Variants in IDS observed in about 807,000 individuals in gnomAD.
The protein encoded by IDS is alpha-L-iduronate sulfate sulfatase.
In IDS, 1 loss-of-function variant was observed where a neutral mutation model predicts 33.5. That is an observed-to-expected ratio of 0.03 (90% confidence interval 0.01 to 0.14). The LOEUF is 0.14. Among genes scored for constraint, IDS ranks in the 10% least tolerant of loss-of-function variants. IDS has a pLI of 1.00. For synonymous variants in IDS, 191 were observed against 184.4 expected (o/e 1.04, Z -0.29); for missense variants, 328 against 448.0 (o/e 0.73, Z 2.42).
Position 149,487,202 on chromosome X carries a change from G to T in IDS, c.1007-104C>A, listed in dbSNP as rs1557338179. On this transcript the variant is annotated intron_variant, in intron 7 of 8. Transcript: ENST00000340855. The stretch of plus-strand genomic sequence containing the variant: ...TTTCCTGTTGTAAAAACCAGAGGAA[G>T]TAGAAACTCATCACCTAGAAGAAAA... 3 of 1,203,589 alleles carry T rather than the reference G, an allele frequency of 2.5e-6. No homozygotes were observed. The African/African-American group carries it at 5.3e-5, about 21-fold the overall frequency.
intron 1 of IDS, among the ~76,000 whole-genome samples, chrX:149,504,621 TAAG>T (rs1283387962): frequency 3.8e-5 from 4 of 106,175 alleles, no homozygotes; most frequent in Non-Finnish European, 5.8e-5. Flanking sequence ...TGGAGGAAGA[TAAG>T]GAGGAAAAGA....
chrX:149,497,263 T>G (rs782460398), intron 5 of IDS, among the ~76,000 whole-genome samples: 4 of 112,204 alleles, frequency 3.6e-5, no homozygotes, highest in Non-Finnish European at 7.5e-5. Context: ...CTGGGAATAG[T>G]GAGAACACTT....
chrX:149,499,442 C>G (rs1204305707), intron 4 of IDS: 1 of 110,530 alleles, frequency 9.0e-6, no homozygotes, highest in Non-Finnish European at 1.9e-5. Flanking sequence ...GTGAAAGAAG[C>G]CAGAAACAAA....
chrX:149,483,728 C>A (rs1023037531), intron 8 of IDS, among the ~76,000 whole-genome samples: 5 of 112,054 alleles, frequency 4.5e-5, no homozygotes, highest in African/African-American at 1.6e-4. Context: ...TACTGTTGTG[C>A]CATCATTACC....
intron 6 of IDS, among the ~76,000 whole-genome samples, chrX:149,495,840 G>C (rs957964471): frequency 1.8e-4 from 20 of 112,458 alleles, no homozygotes; most frequent in Non-Finnish European, 3.2e-4. Context: ...ACAGCTGGGT[G>C]GCACTGGCCA....
chrX:149,489,747 G>C (rs891038789), intron 7 of IDS, among the ~76,000 whole-genome samples: 1 of 111,477 alleles, frequency 9.0e-6, no homozygotes, highest in Admixed American at 9.5e-5. Flanking sequence ...AGTGGGAAAC[G>C]GGGGGAGCTG....
rs1281580481 is a variant in IDS, at chrX:149,477,142, AAC to A, written c.*5602_*5603del. The A allele has an allele frequency of 8.9e-6, 1 of 112,540 alleles. No individual in the cohort carries two copies. Among genetic ancestry groups the A allele is most frequent in the Non-Finnish European group, 1.9e-5 (1 of 53,318 alleles). The allele number at this position is 112,540 out of a possible 1,213,427, so 9.3% of individuals were successfully genotyped here. ...ATCACCTGCAAAAGGTTCTTTCAGA[AAC>A]ACACCCAAAACTACAATAAATTAGG... On this transcript the variant is annotated 3_prime_UTR_variant, in exon 9 of 9. Coordinates refer to ENST00000340855, the MANE Select transcript of IDS (RefSeq NM_000202.8).
intron 7 of IDS, among the ~76,000 whole-genome samples, chrX:149,488,747 G>A (rs782532817): frequency 5.4e-5 from 6 of 111,271 alleles, no homozygotes; most frequent in Non-Finnish European, 9.4e-5. Context: ...GAGCAAATAC[G>A]GGGAAGTCTG....
At chrX:149,500,072 A>G (rs1557339786) in intron 4 of IDS, among the ~76,000 whole-genome samples, 1 of 111,620 alleles carries the variant, frequency 9.0e-6, no homozygotes. Context: ...CATCATCTAT[A>G]TATACACGAT....
chrX:149,487,796 AC>A (rs2124010047), intron 7 of IDS, among the ~76,000 whole-genome samples: 1 of 105,306 alleles, frequency 9.5e-6, no homozygotes, highest in African/African-American at 3.5e-5. Flanking sequence ...CCTTTTTGAT[AC>A]AAAAAATGTG....
At chrX:149,500,081 A>G (rs2089467753) in intron 4 of IDS, among the ~76,000 whole-genome samples, 1 of 111,416 alleles carries the variant, frequency 9.0e-6, no homozygotes, top group African/African-American at 3.3e-5. Context: ...TATATACACG[A>G]TTTGCAGCAC....
At chrX:149,488,652 G>A (rs1343128827) in intron 7 of IDS, among the ~76,000 whole-genome samples, 1 of 109,329 alleles carries the variant, frequency 9.1e-6, no homozygotes, top group Non-Finnish European at 1.9e-5. Context: ...CATGGCAAAT[G>A]CTACAGAAAT....
In IDS at chrX:149,498,881, C is replaced by T. The variant is rs1326168981; in HGVS notation, c.508-574G>A. On this transcript the variant is annotated intron_variant, in intron 4 of 8. Transcript: ENST00000340855. Reference sequence around the variant, plus strand: ...ACTTTGAAAGCCAGTCTGGCAATTCCTCAAACAGTTAAACATAGTTATTAT... The same window carrying T: ...ACTTTGAAAGCCAGTCTGGCAATTCTTCAAACAGTTAAACATAGTTATTAT... Among the ~76,000 whole-genome samples, 6 of 112,454 alleles carry T rather than the reference C, an allele frequency of 5.3e-5. No individual in the cohort carries two copies. The Admixed American group carries it at 5.6e-4, about 11-fold the overall frequency.
At position 149,482,770 on chromosome X, in the gene IDS, A is replaced by T. The variant is rs782379005; in HGVS notation, c.1629T>A (p.Asp543Glu). The change falls in exon 9 of 9, where the codon GAT becomes GAA. Residue 543 changes from aspartate (D) to glutamate (E), a missense_variant. Asp to Glu is a conservative substitution (Grantham distance 45). Around this residue, in one of 4 missense-constraint regions of IDS, gnomAD observed 265 missense variants for 339.2 expected, o/e 0.78. Coordinates refer to ENST00000340855, the MANE Select transcript of IDS (RefSeq NM_000202.8). ...HNMYNDSQGG[D>E]LFQLLMP ...CTCAAGGCATCAACAACTGGAAAAG[A>T]TCTCCACCTTGGGAATCATTATACA... The T allele has an allele frequency of 1.7e-6, 2 of 1,210,013 alleles. No homozygotes were observed. Among genetic ancestry groups the T allele is most frequent in the Non-Finnish European group, 2.2e-6 (2 of 895,333 alleles).
At chrX:149,490,617 C>T (rs1389494910) in intron 6 of IDS, among the ~76,000 whole-genome samples, 177 bp from the exon 7 acceptor site, 16 of 112,576 alleles carry the variant, frequency 1.4e-4, no homozygotes, top group Non-Finnish European at 2.8e-4. Context: ...ACTTCACCCA[C>T]AGAGTCACAG....
intron 7 of IDS, 190 bp from the exon 8 acceptor site, chrX:149,487,288 T>A: frequency 8.3e-7 from 1 of 1,204,458 alleles, no homozygotes; most frequent in Admixed American, 2.2e-5. Context: ...TTATTCAAAA[T>A]CAGGTATTTG....
At chrX:149,499,729 T>G (rs1317833339) in intron 4 of IDS, among the ~76,000 whole-genome samples, 1 of 110,767 alleles carries the variant, frequency 9.0e-6, no homozygotes, top group Non-Finnish European at 1.9e-5. Context: ...AATTAAAAAT[T>G]TAAAAAGAAA....
chrX:149,500,670 T>A (rs1408073757), intron 4 of IDS, among the ~76,000 whole-genome samples: 1 of 111,805 alleles, frequency 8.9e-6, no homozygotes, highest in East Asian at 2.8e-4. Context: ...CTCAGTCTCA[T>A]CCAGCGTGAG....
Position 149,496,399 on chromosome X carries a change from C to T in IDS, c.826G>A (p.Val276Ile), listed in dbSNP as rs200694354. 1.2e-5 allele frequency: 15 copies of T among 1,209,605 alleles called. No homozygotes were observed. Among genetic ancestry groups the T allele is most frequent in the Middle Eastern group, 2.4e-4 (1 of 4,241 alleles). Residue 276 changes from valine to isoleucine, a missense_variant, in exon 6 of 9, where the codon GTC becomes ATC. By Grantham distance (29) the Val-to-Ile change is conservative (BLOSUM62 3). Coordinates refer to ENST00000340855, the MANE Select transcript of IDS (RefSeq NM_000202.8). ...GGCACACTGATGTTTAAGGCTTGGA[C>T]GTCTTCCCGTTGCCTGATGTCCATC... Reference protein sequence around the residue: ...PWMDIRQREDVQALNISVPYG... With the variant: ...PWMDIRQREDIQALNISVPYG...
Sources: allele counts gnomAD v4.1 joint callset (sites outside exome capture counted in the v4.1 genomes callset), GRCh38; gene constraint gnomAD v4.1.1; regional missense constraint gnomAD v4.1.1; transcripts MANE v1.5; gene names NCBI Gene and HGNC (gene_info 2026-07-23, HGNC 2026-07-21).